Variants in IQCM observed in about 807,000 individuals in gnomAD.
IQCM encodes the protein IQ domain-containing protein M.
A neutral mutation model predicts 57.6 loss-of-function variants in IQCM; 45 were observed. The observed-to-expected ratio is 0.78, with a 90% CI of 0.62 to 1.00. The LOEUF is 1.00. Ranked by LOEUF, IQCM falls within the 50% of genes least tolerant of loss-of-function variation. IQCM has a pLI of 0.00. For missense variants in IQCM, 468 were observed against 511.6 expected, an observed-to-expected ratio of 0.91 and a Z score of 0.82; for synonymous variants, 148 against 158.9, an observed-to-expected ratio of 0.93 and a Z score of 0.51.
At chr4:149,513,548 A>G (rs1379615712) in intron 12 of IQCM, among the ~76,000 whole-genome samples, 1 of 152,198 alleles carries the variant, frequency 6.6e-6, no homozygotes, top group East Asian at 1.9e-4. Flanking sequence ...TCAATTATGG[A>G]TTTTAATTAT....
intron 6 of IQCM, among the ~76,000 whole-genome samples, chr4:149,683,682 A>G (rs1209335543): frequency 1.3e-5 from 2 of 151,302 alleles, no homozygotes; most frequent in Non-Finnish European, 3.0e-5. Flanking sequence ...TTGCTTTCTA[A>G]TATCTAGTCA....
At chr4:149,449,239 A>C (rs185882269) in intron 12 of IQCM, among the ~76,000 whole-genome samples, 2,109 of 142,788 alleles carry the variant, frequency 0.015, 23 homozygotes, top group Non-Finnish European at 0.023. Context: ...ACAAACAAAC[A>C]AACAACAAAA....
intron 12 of IQCM, among the ~76,000 whole-genome samples, chr4:149,467,392 T>C (rs931563024): frequency 2.4e-4 from 36 of 152,296 alleles, no homozygotes; most frequent in African/African-American, 8.7e-4. Context: ...ATTGAGTATA[T>C]ACTATGTCCC....
chr4:149,477,972 C>A (rs922413727), intron 12 of IQCM, among the ~76,000 whole-genome samples: 1 of 152,002 alleles, frequency 6.6e-6, no homozygotes, highest in African/African-American at 2.4e-5. Flanking sequence ...TGACACTGGG[C>A]AAATTTCTTA....
intron 2 of IQCM, among the ~76,000 whole-genome samples, chr4:149,809,117 G>A (rs1480646456): frequency 1.3e-5 from 2 of 152,136 alleles, no homozygotes; most frequent in East Asian, 3.9e-4. Flanking sequence ...TTCATTGAAG[G>A]TATCAACAAG....
At chr4:149,458,041 G>A (rs1163619658) in intron 12 of IQCM, among the ~76,000 whole-genome samples, 1 of 151,862 alleles carries the variant, frequency 6.6e-6, no homozygotes, top group Non-Finnish European at 1.5e-5. Flanking sequence ...AAATAGAGTA[G>A]GGAGGTAGAT....
At chr4:149,659,361 C>A (rs1252719318) in intron 7 of IQCM, among the ~76,000 whole-genome samples, 1 of 152,112 alleles carries the variant, frequency 6.6e-6, no homozygotes, top group Non-Finnish European at 1.5e-5. Context: ...ACATTCCATA[C>A]TCACGGGTAG....
At chr4:149,514,834 C>T (rs778197279) in intron 12 of IQCM, 4 of 152,158 alleles carry the variant, frequency 2.6e-5, no homozygotes, top group African/African-American at 9.7e-5. Flanking sequence ...TAATCAGCTG[C>T]CAGCGTGGCC....
At chr4:149,743,411 G>C (rs1767640460) in intron 2 of IQCM, among the ~76,000 whole-genome samples, 2 of 152,132 alleles carry the variant, frequency 1.3e-5, no homozygotes, top group South Asian at 4.1e-4. Context: ...CTTAACATAA[G>C]CTGTCTGTGT....
At chr4:149,598,345 G>C (rs1263802815) in intron 8 of IQCM, among the ~76,000 whole-genome samples, 2 of 152,112 alleles carry the variant, frequency 1.3e-5, no homozygotes, top group Admixed American at 6.5e-5. Context: ...GAATAAGAAA[G>C]TAGGGAGTTT....
chr4:149,503,856 T>A (rs952137000), intron 12 of IQCM, among the ~76,000 whole-genome samples: 4 of 151,902 alleles, frequency 2.6e-5, no homozygotes, highest in Non-Finnish European at 5.9e-5. Flanking sequence ...AACATAAACA[T>A]CAAATTGGAG....
At chr4:149,799,470 GA>G (rs1217205920) in intron 2 of IQCM, among the ~76,000 whole-genome samples, 4 of 150,166 alleles carry the variant, frequency 2.7e-5, no homozygotes, top group East Asian at 2.0e-4. Flanking sequence ...ATTAGTAGAA[GA>G]AAAAAAATAA....
rs550621188 is a variant in IQCM, at chr4:149,790,890, A to AT, written c.-49+24420dup. On this transcript the variant is annotated intron_variant, in intron 2 of 13. Coordinates refer to ENST00000636793, the MANE Select transcript of IQCM (RefSeq NM_001363507.2). ...CTTTTTAACAAATGTTTACTGCTGCATTTTTTTCCAGTGTATCATTGTTTT... is the reference window on the plus strand; with the variant it reads ...CTTTTTAACAAATGTTTACTGCTGCATTTTTTTTCCAGTGTATCATTGTTTT... Among the ~76,000 whole-genome samples the AT allele has an allele frequency of 5.9e-5, 9 of 151,528 alleles. No homozygotes were observed. The South Asian group carries it at 1.7e-3, about 28-fold the overall frequency.
intron 13 of IQCM, among the ~76,000 whole-genome samples, chr4:149,430,939 C>T (rs939998237): frequency 5.9e-5 from 9 of 151,724 alleles, no homozygotes; most frequent in African/African-American, 2.2e-4. Flanking sequence ...GTAGCTCATG[C>T]CTGTAATTTC....
At chr4:149,671,646 T>G (rs1579943497) in intron 7 of IQCM, among the ~76,000 whole-genome samples, 1 of 152,294 alleles carries the variant, frequency 6.6e-6, no homozygotes, top group South Asian at 2.1e-4. Flanking sequence ...CACACTGCTT[T>G]AAATGTGTCC....
chr4:149,440,762 T>G (rs1735861372), intron 12 of IQCM, among the ~76,000 whole-genome samples: 1 of 152,140 alleles, frequency 6.6e-6, no homozygotes, highest in Non-Finnish European at 1.5e-5. Context: ...ATTTATGTAT[T>G]AATTTTTAAA....
intron 13 of IQCM, among the ~76,000 whole-genome samples, chr4:149,427,040 T>C (rs1734507803): frequency 6.6e-6 from 1 of 151,942 alleles, no homozygotes; most frequent in Admixed American, 6.6e-5. Flanking sequence ...GGGTTTTATT[T>C]CAGATACTGA....
At chr4:149,436,122 C>T (rs1392067312) in intron 12 of IQCM, among the ~76,000 whole-genome samples, 1 of 152,116 alleles carries the variant, frequency 6.6e-6, no homozygotes, top group Non-Finnish European at 1.5e-5. Context: ...TTCAGTCCTA[C>T]AAGCTCCATT....
At chr4:149,681,569 A>C (rs547119921) in intron 7 of IQCM, among the ~76,000 whole-genome samples, 59 of 151,218 alleles carry the variant, frequency 3.9e-4, no homozygotes, top group African/African-American at 1.3e-3. Context: ...GGAAGAGTTT[A>C]TTCAGCAAAT....
Sources: allele counts gnomAD v4.1 joint callset (sites outside exome capture counted in the v4.1 genomes callset), GRCh38; gene constraint gnomAD v4.1.1; transcripts MANE v1.5; gene names NCBI Gene and HGNC (gene_info 2026-07-23, HGNC 2026-07-21).